HIPK2: variants seen among roughly 807,000 people sequenced by gnomAD.
HIPK2 encodes homeodomain-interacting protein kinase 2.
In HIPK2, 27 loss-of-function variants were observed where a neutral mutation model predicts 113.7. That is an observed-to-expected ratio of 0.24 (90% confidence interval 0.17 to 0.33). The LOEUF is 0.33. Among genes scored for constraint, HIPK2 ranks in the 10% least tolerant of loss-of-function variants. The pLI, the probability that HIPK2 is intolerant of heterozygous loss-of-function variation, is 1.00. For missense variants in HIPK2, 1,257 were observed against 1,588.0 expected, an observed-to-expected ratio of 0.79 and a Z score of 3.54; for synonymous variants, 631 against 642.2, an observed-to-expected ratio of 0.98 and a Z score of 0.26.
Position 139,716,370 on chromosome 7 carries a change from T to C in HIPK2, c.665A>G (p.Asn222Ser), listed in dbSNP as rs748879672. The change falls in exon 2 of 15, where the codon AAT becomes AGT. Residue 222 changes from asparagine to serine, a missense_variant. By Grantham distance (46) the Asn-to-Ser change is conservative. Transcript: ENST00000406875. The surrounding 1 kb of genome is among the most constrained non-coding windows in gnomAD (Gnocchi z 9.3). Reference protein sequence around the residue: ...QVVKCWKRGTNEIVAIKILKN... With the variant: ...QVVKCWKRGTSEIVAIKILKN... Reference sequence around the variant, plus strand: ...CAGGATCTTGATGGCTACGATCTCATTGGTGCCCCGTTTCCAGCACTTGAC... The same window carrying C: ...CAGGATCTTGATGGCTACGATCTCACTGGTGCCCCGTTTCCAGCACTTGAC... 2.3e-5 allele frequency: 37 copies of C among 1,614,020 alleles called. No homozygotes were observed. Among genetic ancestry groups the C allele is most frequent in the South Asian group, 5.5e-5 (5 of 91,086 alleles).
chr7:139,639,216 T>C (rs1800919833), intron 2 of HIPK2, among the ~76,000 whole-genome samples: 1 of 152,194 alleles, frequency 6.6e-6, no homozygotes, highest in African/African-American at 2.4e-5. Context: ...CCTGCTCTGC[T>C]AGTCTATAAG....
Position 139,631,301 on chromosome 7 carries a change from G to C in HIPK2, c.1228-17C>G. 2 of 1,602,138 alleles carry C rather than the reference G, an allele frequency of 1.2e-6. No homozygotes were observed. Among genetic ancestry groups the C allele is most frequent in the Non-Finnish European group, 8.5e-7 (1 of 1,173,754 alleles). ...ATACCGAATCTGCAAGAAAAGATAA[G>C]AATGAGGTCAGGGCTTTTCCTGTCA... is the stretch of plus-strand genomic sequence containing the variant. On this transcript the variant is annotated splice_polypyrimidine_tract_variant and intron_variant, in intron 3 of 14. Transcript: ENST00000406875. The surrounding 1 kb of genome is among the most constrained non-coding windows in gnomAD (Gnocchi z 4.9).
intron 2 of HIPK2, among the ~76,000 whole-genome samples, chr7:139,670,759 CTTT>C (rs1156402912): frequency 4.3e-5 from 2 of 46,406 alleles, no homozygotes; most frequent in African/African-American, 1.7e-4. Context: ...TTCTTTCTTT[CTTT>C]TTTTTTTTTT....
intron 2 of HIPK2, among the ~76,000 whole-genome samples, chr7:139,653,250 C>T (rs985625558): frequency 1.3e-5 from 2 of 151,850 alleles, no homozygotes; most frequent in Non-Finnish European, 2.9e-5. Flanking sequence ...GCGTCACTGT[C>T]ATCCTCGATG....
intron 2 of HIPK2, among the ~76,000 whole-genome samples, chr7:139,638,900 G>A (rs181861313): frequency 0.018 from 2,769 of 152,104 alleles, 92 homozygotes; most frequent in African/African-American, 0.064. Context: ...CTCGTGATCC[G>A]CCCGCCTCGG....
At position 139,714,933 on chromosome 7, in the gene HIPK2, G is replaced by A. The variant is rs1000684176; in HGVS notation, c.1103+999C>T. ...TACCTCCCAGCTGCCCACGAGGCTGGTGAGAGGATTTCTCCCACTTCATGG... is the reference window on the plus strand; with the variant it reads ...TACCTCCCAGCTGCCCACGAGGCTGATGAGAGGATTTCTCCCACTTCATGG... On this transcript the variant is annotated intron_variant, in intron 2 of 14. Coordinates refer to ENST00000406875, the MANE Select transcript of HIPK2 (RefSeq NM_022740.5). This position sits in a 1 kb window ranked among gnomAD's most constrained non-coding sequence, Gnocchi z 4.2. Among the ~76,000 whole-genome samples the A allele has an allele frequency of 6.6e-6, 1 of 152,206 alleles. No individual in the cohort carries two copies. The highest frequency in any genetic ancestry group is 1.5e-5 in the Non-Finnish European group (1 of 68,046).
rs142907810 is a variant in HIPK2 at position 139,727,039 on chromosome 7, C to T, written c.20-10024G>A. On this transcript the variant is annotated intron_variant, in intron 1 of 14. Transcript: ENST00000406875. ...GAAAAAAGCCAGGTTAGGGAATGGG[C>T]GCAAGGTCATGGGTGGAGATGTGGA... is the stretch of plus-strand genomic sequence containing the variant. 6.2e-3 allele frequency among the ~76,000 whole-genome samples: 949 copies of T among 152,136 alleles called. 12 individuals are homozygous for T. The highest frequency in any genetic ancestry group is 0.02 in the African/African-American group (850 of 41,516).
At position 139,571,271 on chromosome 7, in the gene HIPK2, G is replaced by A. The variant is rs1342153791; in HGVS notation, c.*1656C>T. The A allele has an allele frequency of 6.6e-6, 1 of 152,290 alleles. No homozygotes were observed. The highest frequency in any genetic ancestry group is 1.5e-5 in the Non-Finnish European group (1 of 68,106). The allele number at this position is 152,290 out of a possible 1,614,324, so 9.4% of individuals were successfully genotyped here. A position where few individuals can be genotyped will look rare whatever the true frequency, so the allele number is the denominator to read the frequency against. On this transcript the variant is annotated 3_prime_UTR_variant, in exon 15 of 15. Transcript: ENST00000406875. ...AAACAGCCCAGGGAGCCGGAGGAGA[G>A]AGTGGAGCCCCGGGCGAGGCTGAGA...
At chr7:139,609,604 C>T (rs976462139) in intron 9 of HIPK2, among the ~76,000 whole-genome samples, 1 of 152,138 alleles carries the variant, frequency 6.6e-6, no homozygotes, top group Admixed American at 6.5e-5. Context: ...AAAAACGAAG[C>T]CTTCAGTTTA....
At chr7:139,754,400 T>C (rs1290410868) in intron 1 of HIPK2, among the ~76,000 whole-genome samples, 1 of 152,116 alleles carries the variant, frequency 6.6e-6, no homozygotes, top group Non-Finnish European at 1.5e-5. Context: ...GGAAAAGACC[T>C]AGAAACGCAT....
At chr7:139,652,174 T>C (rs140367647) in intron 2 of HIPK2, among the ~76,000 whole-genome samples, 1 of 152,334 alleles carries the variant, frequency 6.6e-6, no homozygotes, top group East Asian at 1.9e-4. Context: ...CTGTAGTCCT[T>C]TGCACATTTT....
intron 9 of HIPK2, among the ~76,000 whole-genome samples, chr7:139,606,684 A>T (rs1799628084): frequency 6.6e-6 from 1 of 152,236 alleles, no homozygotes; most frequent in Admixed American, 6.5e-5. Context: ...AGGGGAAATG[A>T]CTAGTCCAAG....
intron 12 of HIPK2, among the ~76,000 whole-genome samples, chr7:139,595,516 C>T (rs886594476): frequency 1.4e-4 from 21 of 152,208 alleles, no homozygotes; most frequent in Non-Finnish European, 5.9e-5. Context: ...TGGGTCCCCT[C>T]TGACACCTGG....
In HIPK2 at chr7:139,571,281, C is replaced by CCGGG. The variant is rs1406098091; in HGVS notation, c.*1642_*1645dup. On this transcript the variant is annotated 3_prime_UTR_variant, in exon 15 of 15. Transcript: ENST00000406875. Reference sequence around the variant, plus strand: ...GGGAGCCGGAGGAGAGAGTGGAGCCCCGGGCGAGGCTGAGAGCTCCAGGCT... The same window carrying CCGGG: ...GGGAGCCGGAGGAGAGAGTGGAGCCCCGGGCGGGCGAGGCTGAGAGCTCCAGGCT... The CCGGG allele has an allele frequency of 1.3e-5, 2 of 152,150 alleles. No individual in the cohort carries two copies. The highest frequency in any genetic ancestry group is 2.1e-4 in the South Asian group (1 of 4,832). 9.4% of individuals were successfully genotyped at this position (152,150 alleles called of 1,614,324 possible).
chr7:139,593,652 G>C (rs758823980), intron 12 of HIPK2, among the ~76,000 whole-genome samples: 2 of 152,220 alleles, frequency 1.3e-5, no homozygotes. Context: ...CTGAGGCTGA[G>C]CCATGTTAGG....
intron 13 of HIPK2, among the ~76,000 whole-genome samples, chr7:139,576,897 C>A (rs1032239554): frequency 6.6e-6 from 1 of 152,190 alleles, no homozygotes; most frequent in Non-Finnish European, 1.5e-5. Context: ...GTTCTGCAGA[C>A]AGGACCATCA....
At chr7:139,645,949 A>G (rs928153696) in intron 2 of HIPK2, among the ~76,000 whole-genome samples, 1 of 152,222 alleles carries the variant, frequency 6.6e-6, no homozygotes, top group Non-Finnish European at 1.5e-5. Context: ...CCAGGTCTCC[A>G]GCCAAGGGCA....
intron 2 of HIPK2, among the ~76,000 whole-genome samples, chr7:139,654,622 G>A (rs1203616260): frequency 6.6e-6 from 1 of 152,182 alleles, no homozygotes; most frequent in African/African-American, 2.4e-5. Flanking sequence ...TCTGTTATGG[G>A]CTTGAGGCTT....
At position 139,631,873 on chromosome 7, in the gene HIPK2, C is replaced by A; in HGVS notation, c.1104-148G>T. On this transcript the variant is annotated intron_variant, in intron 2 of 14. Coordinates refer to ENST00000406875, the MANE Select transcript of HIPK2 (RefSeq NM_022740.5). This position sits in a 1 kb window ranked among gnomAD's most constrained non-coding sequence, Gnocchi z 4.9. ...TCTCAGGAGAGGCGCTGTGCTACAACAATCCTTCCATTCTTTGGCTTGGTC... is the reference window on the plus strand; with the variant it reads ...TCTCAGGAGAGGCGCTGTGCTACAAAAATCCTTCCATTCTTTGGCTTGGTC... The A allele has an allele frequency of 1.0e-6, 1 of 1,001,492 alleles. No individual in the cohort carries two copies. The allele number at this position is 1,001,492 out of a possible 1,614,324, so 62.0% of individuals were successfully genotyped here. A position where few individuals can be genotyped will look rare whatever the true frequency, so the allele number is the denominator to read the frequency against.
Sources: allele counts gnomAD v4.1 joint callset (sites outside exome capture counted in the v4.1 genomes callset), GRCh38; gene constraint gnomAD v4.1.1; non-coding constraint Gnocchi (gnomAD v3.1); transcripts MANE v1.5; gene names NCBI Gene and HGNC (gene_info 2026-07-23, HGNC 2026-07-21).